The following HOXC5 variants were observed in gnomAD, a reference collection of about 807,000 sequenced individuals.
HOXC5 encodes homeobox protein Hox-C5.
Under a neutral mutation model 20.1 loss-of-function variants are expected in HOXC5, and 19 were observed. The ratio of observed to expected loss-of-function variants is 0.94; its 90% CI spans 0.66 to 1.38. The LOEUF is 1.38. Ranked by LOEUF, HOXC5 falls within the 40% of genes most tolerant of loss-of-function variation. The pLI is 0.00. For missense variants in HOXC5, 330 were observed against 300.1 expected (o/e 1.10, Z -0.74); for synonymous variants, 124 against 117.0 (o/e 1.06, Z -0.39).
the HOXC5 span, among the ~76,000 whole-genome samples, chr12:54,026,790 A>G: frequency 6.6e-5 from 10 of 152,174 alleles, no homozygotes; most frequent in Non-Finnish European, 1.3e-4. Flanking sequence ...GGAAACCTTA[A>G]CGTTACAGAA....
At chr12:54,023,105 A>C in the HOXC5 span, among the ~76,000 whole-genome samples, 10 of 152,070 alleles carry the variant, frequency 6.6e-5, no homozygotes, top group African/African-American at 2.4e-4. Flanking sequence ...GATCACAGAG[A>C]GCTGTGTCCC....
chr12:54,025,413 C>T, the HOXC5 span, among the ~76,000 whole-genome samples: 1 of 151,786 alleles, frequency 6.6e-6, no homozygotes, highest in Non-Finnish European at 1.5e-5. Context: ...AGATCGGGCT[C>T]ATCTGACCTG....
intron 1 of HOXC5, 149 bp downstream of exon 1, chr12:54,033,725 CTGTG>C: frequency 1.5e-6 from 1 of 669,424 alleles, no homozygotes; most frequent in South Asian, 2.0e-5. Flanking sequence ...GGCTTAGAGG[CTGTG>C]TGCGCCCAAA....
chr12:54,028,405 T>G, upstream of HOXC5: 2 of 1,180,690 alleles, frequency 1.7e-6, no homozygotes, highest in Non-Finnish European at 2.4e-6. Flanking sequence ...CAGCTGACTT[T>G]GTCATTTTGT....
the HOXC5 span, among the ~76,000 whole-genome samples, chr12:54,018,023 T>C: frequency 6.6e-6 from 1 of 152,016 alleles, no homozygotes; most frequent in East Asian, 1.9e-4. Context: ...GCCTGTTAAT[T>C]GGCAATTAGG....
upstream of HOXC5, chr12:54,029,980 A>T (rs1257429842): frequency 6.6e-7 from 1 of 1,511,978 alleles, no homozygotes; most frequent in Non-Finnish European, 8.9e-7. Flanking sequence ...TGTCCCTGCC[A>T]CCCCTCTCTC....
intron 1 of HOXC5, 113 bp downstream of exon 1, chr12:54,033,689 A>G (rs1256625193): frequency 1.1e-5 from 10 of 919,634 alleles, no homozygotes; most frequent in South Asian, 1.8e-5. Flanking sequence ...CCAGGCATCA[A>G]TGGCTCGTAA....
chr12:54,023,931 G>A, the HOXC5 span, among the ~76,000 whole-genome samples: 1 of 152,132 alleles, frequency 6.6e-6, no homozygotes, highest in Non-Finnish European at 1.5e-5. Context: ...GGCTCTTTGC[G>A]ATCTGATCCT....
chr12:54,030,265 T>A (rs1216318957), upstream of HOXC5: 1 of 220,442 alleles, frequency 4.5e-6, no homozygotes, highest in East Asian at 8.9e-5. Context: ...CTCTACAGAT[T>A]GCCCTCCAAG....
chr12:54,032,098 G>C (rs1941007186), upstream of HOXC5, among the ~76,000 whole-genome samples: 1 of 152,182 alleles, frequency 6.6e-6, no homozygotes, highest in Non-Finnish European at 1.5e-5. Flanking sequence ...TACCACATAA[G>C]GATCGCACAC....
chr12:54,033,133 A>T lies in HOXC5; in HGVS notation c.11A>T (p.Tyr4Phe), dbSNP rs1592237534. The T allele has an allele frequency of 1.2e-6, 2 of 1,607,680 alleles. No individual in the cohort carries two copies. The highest frequency in any genetic ancestry group is 1.7e-6 in the Non-Finnish European group (2 of 1,174,604). The change falls in exon 1 of 2, where the codon TAC becomes TTC. Residue 4 changes from tyrosine to phenylalanine, a missense_variant. Coordinates refer to ENST00000312492, the MANE Select transcript of HOXC5 (RefSeq NM_018953.4). MSS[Y>F]VANSFYKQSP... ...TGGGCCCTCCCCGCCATGAGCTCCT[A>T]CGTAGCCAATTCATTCTATAAGCAG...
upstream of HOXC5, chr12:54,028,433 C>T: frequency 1.4e-6 from 2 of 1,395,314 alleles, no homozygotes; most frequent in East Asian, 2.3e-5. Flanking sequence ...GGATTGGAGC[C>T]GTCCCTATAA....
At chr12:54,029,490 G>T (rs1319533204), upstream of HOXC5, 4 of 553,064 alleles carry the variant, frequency 7.2e-6, no homozygotes, top group African/African-American at 8.4e-5. Context: ...GGTCCTCGCT[G>T]TACCCCCAGT....
chr12:54,030,880 G>A (rs1351047810), upstream of HOXC5: 1 of 152,252 alleles, frequency 6.6e-6, no homozygotes, highest in African/African-American at 2.4e-5. Context: ...AGCTGGAGCA[G>A]GCTCCAAGCG....
chr12:54,028,529 C>T, upstream of HOXC5: 1 of 1,613,648 alleles, frequency 6.2e-7, no homozygotes, highest in Non-Finnish European at 8.5e-7. Flanking sequence ...GGGATGAATT[C>T]CTACTTCACT....
At chr12:54,020,917 C>CTTTT in the HOXC5 span, 12 of 152,394 alleles carry the variant, frequency 7.9e-5, no homozygotes, top group African/African-American at 2.6e-4. Context: ...ACTCTCCCAA[C>CTTTT]TTAGAAATTA....
At chr12:54,029,572 G>A, upstream of HOXC5, 2 of 1,431,098 alleles carry the variant, frequency 1.4e-6, no homozygotes, top group Non-Finnish European at 1.9e-6. Context: ...CAGGTTGGGA[G>A]GGTCAGGACT....
chr12:54,019,451 G>C, the HOXC5 span, among the ~76,000 whole-genome samples: 4 of 152,154 alleles, frequency 2.6e-5, no homozygotes, highest in Non-Finnish European at 5.9e-5. Context: ...GGCCCGAGAG[G>C]CCCGAAAAAG....
rs1163578384 is a variant in HOXC5, at chr12:54,034,759, C to G, written c.*267C>G. The G allele has an allele frequency of 2.2e-6, 1 of 461,984 alleles. No homozygotes were observed. The highest frequency in any genetic ancestry group is 2.0e-5 in the African/African-American group (1 of 50,800). 28.6% of individuals were successfully genotyped at this position (461,984 alleles called of 1,614,324 possible). A position where few individuals can be genotyped will look rare whatever the true frequency, so the allele number is the denominator to read the frequency against. On this transcript the variant is annotated 3_prime_UTR_variant, in exon 2 of 2. Transcript: ENST00000312492. ...CAGGGCAAGCTCCGCAGGACTTCCC[C>G]GGAGGGCTGCGGCGTACAGGCTGGC...
Sources: gnomAD v4.1 joint callset for allele counts (sites outside exome capture counted in the v4.1 genomes callset) on GRCh38, gnomAD v4.1.1 for gene constraint, MANE v1.5 for transcripts, NCBI Gene and HGNC (gene_info 2026-07-23, HGNC 2026-07-21) for gene names.